Variants in SORCS1 observed in about 807,000 individuals in gnomAD.
SORCS1 encodes the protein VPS10 domain-containing receptor SorCS1.
Under a neutral mutation model 146.1 loss-of-function variants are expected in SORCS1, and 60 were observed. The observed-to-expected ratio is 0.41, with a 90% confidence interval of 0.33 to 0.51. The LOEUF is 0.51. Among genes scored for constraint, SORCS1 ranks in the 20% least tolerant of loss-of-function variants. The probability of loss-of-function intolerance (pLI) is 0.21; values close to 1 mark genes in which losing one functional copy is unlikely to be tolerated. For synonymous variants in SORCS1, 637 were observed against 584.0 expected (o/e 1.09, Z -1.31); for missense variants, 1,352 against 1,487.6 (o/e 0.91, Z 1.50).
chr10:106,949,587 T>C (rs1408141554), intron 2 of SORCS1, among the ~76,000 whole-genome samples: 2 of 152,164 alleles, frequency 1.3e-5, no homozygotes, highest in Non-Finnish European at 2.9e-5. Flanking sequence ...GGCCACGAAA[T>C]TGTGTCTCCT....
intron 1 of SORCS1, among the ~76,000 whole-genome samples, chr10:106,966,796 G>A (rs1312405224): frequency 6.6e-6 from 1 of 152,128 alleles, no homozygotes; most frequent in African/African-American, 2.4e-5. Context: ...CCTGTGCCAG[G>A]AGCTGCCATG....
intron 1 of SORCS1, among the ~76,000 whole-genome samples, chr10:106,983,326 G>T (rs978254422): frequency 2.0e-5 from 3 of 149,456 alleles, no homozygotes; most frequent in Admixed American, 2.0e-4. Flanking sequence ...ACATATTAAT[G>T]GGTAAATTTA....
intron 1 of SORCS1, among the ~76,000 whole-genome samples, chr10:106,957,187 G>A (rs1372264503): frequency 2.1e-5 from 2 of 93,998 alleles, no homozygotes; most frequent in African/African-American, 3.5e-5. Context: ...TTTTTTTTTG[G>A]AGATAGAGTT....
chr10:106,940,724 AAAT>A (rs1953997728), intron 2 of SORCS1, among the ~76,000 whole-genome samples: 1 of 152,152 alleles, frequency 6.6e-6, no homozygotes, highest in Admixed American at 6.5e-5. Context: ...TCTCAACTAA[AAAT>A]ACAAAAATTA....
the SORCS1 span, among the ~76,000 whole-genome samples, chr10:107,176,307 C>T: frequency 3.3e-5 from 3 of 91,408 alleles, no homozygotes; most frequent in East Asian, 2.5e-4. Flanking sequence ...CTTCCTTTCT[C>T]TCTTTCTTTC....
chr10:106,885,940 C>A (rs1002520864), intron 2 of SORCS1, among the ~76,000 whole-genome samples: 2 of 152,134 alleles, frequency 1.3e-5, no homozygotes, highest in African/African-American at 4.8e-5. Flanking sequence ...TGAGGCCCCT[C>A]TAGCCATGTG....
chr10:106,790,009 C>G (rs150905187), intron 3 of SORCS1, among the ~76,000 whole-genome samples: 1 of 152,202 alleles, frequency 6.6e-6, no homozygotes, highest in Non-Finnish European at 1.5e-5. Flanking sequence ...AGAACTCACT[C>G]ACTATCATGA....
chr10:106,928,585 G>T (rs753153390), intron 2 of SORCS1, among the ~76,000 whole-genome samples: 19 of 152,248 alleles, frequency 1.2e-4, no homozygotes, highest in Non-Finnish European at 2.5e-4. Flanking sequence ...TGCCGCCAAA[G>T]TGGGAGCCCA....
At chr10:107,044,015 C>T (rs1959196386) in intron 1 of SORCS1, among the ~76,000 whole-genome samples, 1 of 152,156 alleles carries the variant, frequency 6.6e-6, no homozygotes, top group South Asian at 2.1e-4. Flanking sequence ...TGTTCCCATT[C>T]TTGTTCACAC....
At chr10:106,850,101 T>C (rs1193480025) in intron 2 of SORCS1, among the ~76,000 whole-genome samples, 1 of 151,932 alleles carries the variant, frequency 6.6e-6, no homozygotes, top group Non-Finnish European at 1.5e-5. Context: ...CCTTGAGCTG[T>C]GGTGGGCTCC....
intron 2 of SORCS1, among the ~76,000 whole-genome samples, chr10:106,841,820 C>A (rs1472812397): frequency 6.6e-6 from 1 of 152,174 alleles, no homozygotes; most frequent in East Asian, 1.9e-4. Context: ...AGTTTCCAGT[C>A]ACCTACTGAT....
chr10:106,656,438 C>G (rs1005612801), intron 17 of SORCS1, among the ~76,000 whole-genome samples: 2 of 152,066 alleles, frequency 1.3e-5, no homozygotes, highest in Non-Finnish European at 2.9e-5. Flanking sequence ...GTAGTCCCAG[C>G]TACTCTACTC....
chr10:106,939,218 A>G (rs1953906188), intron 2 of SORCS1, among the ~76,000 whole-genome samples: 1 of 152,266 alleles, frequency 6.6e-6, no homozygotes, highest in African/African-American at 2.4e-5. Context: ...CCCAGCAAAG[A>G]GAATGTATTC....
At chr10:106,867,698 G>A (rs1950271325) in intron 2 of SORCS1, among the ~76,000 whole-genome samples, 1 of 152,080 alleles carries the variant, frequency 6.6e-6, no homozygotes, top group Admixed American at 6.5e-5. Flanking sequence ...AATGTTGAGT[G>A]AGCAATGGAA....
intron 9 of SORCS1, 120 bp downstream of exon 9, chr10:106,699,094 A>G (rs1442006277): frequency 1.2e-6 from 1 of 828,190 alleles, no homozygotes; most frequent in Non-Finnish European, 1.8e-6. Flanking sequence ...CCATCTCCCA[A>G]GAGAAATGAG....
chr10:106,579,159 T>G (rs11192966), intron 25 of SORCS1: 1 of 1,614,078 alleles, frequency 6.2e-7, no homozygotes, highest in Non-Finnish European at 8.5e-7. Flanking sequence ...CTGAGGGACA[T>G]TGGGCCTGCT....
At chr10:106,714,483 T>C (rs1419429780) in intron 6 of SORCS1, among the ~76,000 whole-genome samples, 1 of 152,168 alleles carries the variant, frequency 6.6e-6, no homozygotes, top group Non-Finnish European at 1.5e-5. Context: ...ATGTTAACAT[T>C]AGAGGAAGCT....
At chr10:106,969,093 G>A (rs954248889) in intron 1 of SORCS1, among the ~76,000 whole-genome samples, 12 of 152,150 alleles carry the variant, frequency 7.9e-5, no homozygotes, top group African/African-American at 2.2e-4. Context: ...CAAGTAAAAT[G>A]TATTAATAAA....
At chr10:106,924,466 G>GATCTATCT (rs35692327) in intron 2 of SORCS1, among the ~76,000 whole-genome samples, 2,353 of 130,702 alleles carry the variant, frequency 0.018, 35 homozygotes, top group East Asian at 0.046. Context: ...CACAGTTATC[G>GATCTATCT]ATCTATCTAT....
Sources: gnomAD v4.1 joint callset for allele counts (sites outside exome capture counted in the v4.1 genomes callset) on GRCh38, gnomAD v4.1.1 for gene constraint, MANE v1.5 for transcripts, NCBI Gene and HGNC (gene_info 2026-07-23, HGNC 2026-07-21) for gene names.